BEND4: variants seen among roughly 807,000 people sequenced by gnomAD.
The protein encoded by BEND4 is BEN domain-containing protein 4.
In BEND4, 27 loss-of-function variants were observed where a neutral mutation model predicts 54.7. The observed-to-expected ratio is 0.49, with a 90% CI of 0.36 to 0.68. The LOEUF is 0.68. Ranked by LOEUF, BEND4 falls within the 30% of genes least tolerant of loss-of-function variation. The pLI, the probability that BEND4 is intolerant of heterozygous loss-of-function variation, is 0.00. For missense variants in BEND4, 702 were observed against 697.2 expected (o/e 1.01, Z -0.08); for synonymous variants, 327 against 299.5 (o/e 1.09, Z -0.95).
At chr4:42,151,447 G>A (rs1721277568) in intron 2 of BEND4, 2 of 403,704 alleles carry the variant, frequency 5.0e-6, no homozygotes, top group South Asian at 7.9e-5. Flanking sequence ...GGAGCCACCT[G>A]TTAGGCGCGC....
In BEND4 at chr4:42,143,799, TTGTC is replaced by T; in HGVS notation, c.679_682del (p.Asp227MetfsTer2). On this transcript the variant is annotated frameshift_variant, in exon 3 of 6. Transcript: ENST00000502486. LOFTEE classifies it high-confidence loss of function. ...CATATACTGCATCTCTATGTCTACA[TTGTC>T]TGAGGTCTGACTGTGGACCCCTTTC... is the stretch of plus-strand genomic sequence containing the variant. 6.2e-7 allele frequency: 1 copy of T among 1,607,260 alleles called. No homozygotes were observed. The highest frequency in any genetic ancestry group is 8.5e-7 in the Non-Finnish European group (1 of 1,176,572).
At chr4:42,120,755 A>C (rs538524984) in intron 4 of BEND4, among the ~76,000 whole-genome samples, 26 of 152,250 alleles carry the variant, frequency 1.7e-4, no homozygotes, top group Admixed American at 1.0e-3. Flanking sequence ...TGTTTAACGC[A>C]CCCAACACCT....
In BEND4 at chr4:42,131,548, G is replaced by C. The variant is rs1368187831; in HGVS notation, c.1055-5874C>G. Among the ~76,000 whole-genome samples the C allele has an allele frequency of 2.6e-5, 4 of 152,096 alleles. No homozygotes were observed. The South Asian group carries it at 6.2e-4, about 24-fold the overall frequency. On this transcript the variant is annotated intron_variant, in intron 3 of 5. Transcript: ENST00000502486. ...TCCTTGCTATTACTTCAGTGTGGAG[G>C]GGACAGTCCTGGAAGGGCTTACAGG...
chr4:42,117,453 G>GA lies in BEND4; in HGVS notation c.*64dup. On this transcript the variant is annotated 3_prime_UTR_variant, in exon 6 of 6. Coordinates refer to ENST00000502486, the MANE Select transcript of BEND4 (RefSeq NM_207406.4). ...CAGGCTTTGGACTCTCAGGTGACAGGAACAGGACATTCACAATTGGAACTC... is the reference window on the plus strand; with the variant it reads ...CAGGCTTTGGACTCTCAGGTGACAGGAAACAGGACATTCACAATTGGAACTC... The GA allele has an allele frequency of 1.7e-6, 2 of 1,167,172 alleles. No homozygotes were observed. Among genetic ancestry groups the GA allele is most frequent in the Non-Finnish European group, 2.5e-6 (2 of 805,934 alleles). 72.3% of individuals were successfully genotyped at this position (1,167,172 alleles called of 1,614,324 possible). A position where few individuals can be genotyped will look rare whatever the true frequency, so the allele number is the denominator to read the frequency against.
At chr4:42,133,002 C>T (rs7664565) in intron 3 of BEND4, among the ~76,000 whole-genome samples, 60,142 of 152,104 alleles carry the variant, frequency 0.4, 16,797 homozygotes, top group African/African-American at 0.8. Context: ...GTAACAAAAT[C>T]TCAAAATGCA....
Position 42,116,768 on chromosome 4 carries a change from A to C in BEND4, c.*750T>G, listed in dbSNP as rs56373717. 3 of 152,220 alleles carry C rather than the reference A, an allele frequency of 2.0e-5. No homozygotes were observed. The highest frequency in any genetic ancestry group is 7.2e-5 in the African/African-American group (3 of 41,454). 9.4% of individuals were successfully genotyped at this position (152,220 alleles called of 1,614,324 possible). On this transcript the variant is annotated 3_prime_UTR_variant, in exon 6 of 6. Transcript: ENST00000502486. ...AACAAAGCCTGATTTAAGGCTATGG[A>C]AACTGCGGATTTATTAACCTACAAA... is the stretch of plus-strand genomic sequence containing the variant.
intron 4 of BEND4, 137 bp from the exon 5 acceptor site, chr4:42,120,431 A>G: frequency 9.1e-7 from 1 of 1,093,260 alleles, no homozygotes; most frequent in Non-Finnish European, 1.3e-6. Context: ...GAAGTGCGCA[A>G]ATAATTGCTC....
intron 2 of BEND4, among the ~76,000 whole-genome samples, chr4:42,145,511 G>A (rs1411993525): frequency 6.6e-6 from 1 of 151,998 alleles, no homozygotes; most frequent in African/African-American, 2.4e-5. Flanking sequence ...GGCCAACACG[G>A]TGAAACCCCG....
rs984397479 is a variant in BEND4 at position 42,141,475 on chromosome 4, T to C, written c.1054+1953A>G. Among the ~76,000 whole-genome samples, 8 of 152,232 alleles carry C rather than the reference T, an allele frequency of 5.3e-5. No homozygotes were observed. The South Asian group carries it at 6.2e-4, about 12-fold the overall frequency. On this transcript the variant is annotated intron_variant, in intron 3 of 5. Coordinates refer to ENST00000502486, the MANE Select transcript of BEND4 (RefSeq NM_207406.4). ...GGCCGGGTGCTGTGGCTAATGCCTG[T>C]AGTCCCAGCACTTTGGGGGGCCAAG... is the stretch of plus-strand genomic sequence containing the variant.
At position 42,145,921 on chromosome 4, in the gene BEND4, A is replaced by G. The variant is rs181050763; in HGVS notation, c.488-1927T>C. Among the ~76,000 whole-genome samples, 5 of 152,328 alleles carry G rather than the reference A, an allele frequency of 3.3e-5. No homozygotes were observed. The East Asian group carries it at 7.7e-4, about 24-fold the overall frequency. ...GAACACACAGCAGGTACTCCTGTAC[A>G]TACATAAGAGCATCTTAGTTTATAG... On this transcript the variant is annotated intron_variant, in intron 2 of 5. Coordinates refer to ENST00000502486, the MANE Select transcript of BEND4 (RefSeq NM_207406.4).
chr4:42,150,874 G>A (rs1721244416), intron 2 of BEND4, among the ~76,000 whole-genome samples: 1 of 152,228 alleles, frequency 6.6e-6, no homozygotes, highest in Non-Finnish European at 1.5e-5. Flanking sequence ...CCCGCGGCGC[G>A]GCAGCGTGCC....
At chr4:42,143,379 TG>T in intron 3 of BEND4, 48 bp downstream of exon 3, 2 of 1,405,678 alleles carry the variant, frequency 1.4e-6, no homozygotes, top group Non-Finnish European at 2.0e-6. Context: ...ATGAGACAAG[TG>T]AAAGAAAGAA....
intron 2 of BEND4, among the ~76,000 whole-genome samples, chr4:42,149,984 G>A (rs1263104824): frequency 2.9e-4 from 44 of 152,148 alleles, no homozygotes; most frequent in Non-Finnish European, 1.5e-5. Context: ...TGGGCAGATA[G>A]AGGGGAAAAC....
At chr4:42,126,387 T>G (rs914926786) in intron 3 of BEND4, among the ~76,000 whole-genome samples, 2 of 152,234 alleles carry the variant, frequency 1.3e-5, no homozygotes, top group East Asian at 1.9e-4. Context: ...TAAGTGTTTC[T>G]AATGATGGAT....
intron 4 of BEND4, among the ~76,000 whole-genome samples, chr4:42,122,169 G>A (rs1314663481): frequency 6.6e-6 from 1 of 152,192 alleles, no homozygotes; most frequent in African/African-American, 2.4e-5. Flanking sequence ...CCTGCCCCAA[G>A]CACTTTGCAC....
Position 42,143,470 on chromosome 4 carries a change from G to T in BEND4, c.1012C>A (p.Gln338Lys). The T allele has an allele frequency of 1.3e-6, 2 of 1,552,230 alleles. No homozygotes were observed. Among genetic ancestry groups the T allele is most frequent in the Non-Finnish European group, 1.7e-6 (2 of 1,147,116 alleles). Residue 338 changes from glutamine to lysine, a missense_variant, in exon 3 of 6, where the codon CAA (glutamine) becomes AAA (lysine). Gln to Lys is a moderately conservative substitution (Grantham distance 53). Coordinates refer to ENST00000502486, the MANE Select transcript of BEND4 (RefSeq NM_207406.4). ...TTCCTTCTGAGCTCTTCATTTTCTTGTTGCAGTGAAATAACCTCCTGCTCC... is the reference window on the plus strand; with the variant it reads ...TTCCTTCTGAGCTCTTCATTTTCTTTTTGCAGTGAAATAACCTCCTGCTCC... ...ELEQEVISLQQENEELRRKLE... is the reference protein window; with the variant it reads ...ELEQEVISLQKENEELRRKLE...
intron 5 of BEND4, among the ~76,000 whole-genome samples, 187 bp from the exon 6 acceptor site, chr4:42,117,922 CAT>C (rs776817702): frequency 2.4e-5 from 3 of 124,426 alleles, no homozygotes; most frequent in African/African-American, 1.4e-4. Flanking sequence ...ATTTTCTTCT[CAT>C]GTGCAAAAGT....
rs1721292955 is a variant in BEND4 at position 42,151,702 on chromosome 4, T to C, written c.442A>G (p.Thr148Ala). 1 of 1,442,710 alleles carries C rather than the reference T, an allele frequency of 6.9e-7. No individual in the cohort carries two copies. Among genetic ancestry groups the C allele is most frequent in the South Asian group, 1.3e-5 (1 of 79,440 alleles). 89.4% of individuals were successfully genotyped at this position (1,442,710 alleles called of 1,614,324 possible). A position where few individuals can be genotyped will look rare whatever the true frequency, so the allele number is the denominator to read the frequency against. Reference protein sequence around the residue: ...YGPGAAAAAGTGGTGSDSASL... With the variant: ...YGPGAAAAAGAGGTGSDSASL... ...GCGCTGTCGCTACCCGTGCCGCCGG[T>C]GCCGGCGGCCGCCGCCGCGCCTGGG... Residue 148 changes from threonine to alanine, a missense_variant, in exon 2 of 6, where the codon ACC becomes GCC. Physicochemically the swap from Thr to Ala is moderately conservative, Grantham distance 58. Coordinates refer to ENST00000502486, the MANE Select transcript of BEND4 (RefSeq NM_207406.4).
chr4:42,134,828 A>G (rs1720640551), intron 3 of BEND4, among the ~76,000 whole-genome samples: 1 of 152,226 alleles, frequency 6.6e-6, no homozygotes, highest in South Asian at 2.1e-4. Flanking sequence ...TAGCTGGAGT[A>G]AAGGAAGGCC....
Sources: gnomAD v4.1 joint callset for allele counts (sites outside exome capture counted in the v4.1 genomes callset) on GRCh38, gnomAD v4.1.1 for gene constraint, MANE v1.5 for transcripts, NCBI Gene and HGNC (gene_info 2026-07-23, HGNC 2026-07-21) for gene names.